The following SLC35F4 variants were observed in gnomAD, a reference collection of about 807,000 sequenced individuals.
SLC35F4 encodes chromosome 14 open reading frame 36.
A neutral mutation model predicts 44.2 loss-of-function variants in SLC35F4; 24 were observed. The observed-to-expected ratio is 0.54, with a 90% confidence interval of 0.39 to 0.76. The LOEUF is 0.76. Among genes scored for constraint, SLC35F4 ranks in the 30% least tolerant of loss-of-function variants. SLC35F4 has a pLI of 0.00. For synonymous variants in SLC35F4, 238 were observed against 223.6 expected, an observed-to-expected ratio of 1.06 and a Z score of -0.57; for missense variants, 562 against 586.1, an observed-to-expected ratio of 0.96 and a Z score of 0.42.
chr14:57,779,723 G>A (rs1416022416), intron 1 of SLC35F4, among the ~76,000 whole-genome samples: 2 of 152,118 alleles, frequency 1.3e-5, no homozygotes, highest in Non-Finnish European at 2.9e-5. Context: ...ACATGAAAAA[G>A]CTAATCCACC....
At chr14:57,793,747 T>C (rs1248874943) in intron 1 of SLC35F4, among the ~76,000 whole-genome samples, 3 of 152,144 alleles carry the variant, frequency 2.0e-5, no homozygotes, top group African/African-American at 7.2e-5. Context: ...TTCCCAGCAG[T>C]GGAATTGCTG....
At chr14:57,751,856 A>G (rs1201427609) in intron 1 of SLC35F4, among the ~76,000 whole-genome samples, 3 of 152,204 alleles carry the variant, frequency 2.0e-5, no homozygotes, top group African/African-American at 2.4e-5. Context: ...TTTAATGTCA[A>G]TATGGAATAC....
chr14:57,771,682 C>A (rs1162396692), intron 1 of SLC35F4, among the ~76,000 whole-genome samples: 3 of 152,178 alleles, frequency 2.0e-5, no homozygotes, highest in Admixed American at 2.0e-4. Flanking sequence ...CAATCTCTGC[C>A]TTCTGGGCTT....
intron 1 of SLC35F4, among the ~76,000 whole-genome samples, chr14:57,736,222 A>T (rs373939690): frequency 6.6e-6 from 1 of 152,316 alleles, no homozygotes; most frequent in East Asian, 1.9e-4. Flanking sequence ...CTAAGAGTCG[A>T]AATCTAAGCC....
chr14:57,833,195 T>C (rs1015062921), intron 1 of SLC35F4, among the ~76,000 whole-genome samples: 2 of 152,188 alleles, frequency 1.3e-5, no homozygotes, highest in Non-Finnish European at 2.9e-5. Context: ...CGCAAGGCAA[T>C]CTCACTAAAG....
intron 1 of SLC35F4, among the ~76,000 whole-genome samples, chr14:57,633,100 G>T (rs978829307): frequency 2.0e-5 from 3 of 152,030 alleles, no homozygotes; most frequent in African/African-American, 4.8e-5. Flanking sequence ...TCCAATGTCC[G>T]CATGTACCAC....
intron 1 of SLC35F4, among the ~76,000 whole-genome samples, chr14:57,827,678 T>C (rs77029924): frequency 0.03 from 4,538 of 151,934 alleles, 208 homozygotes; most frequent in African/African-American, 0.1. Context: ...GAGAGAAAAT[T>C]AAGAGTTATA....
chr14:57,624,312 C>G (rs2072355822), intron 1 of SLC35F4, among the ~76,000 whole-genome samples: 1 of 152,174 alleles, frequency 6.6e-6, no homozygotes, highest in Non-Finnish European at 1.5e-5. Flanking sequence ...TAATTAATAG[C>G]TTACCAACCA....
chr14:57,633,222 GT>G (rs2140135986), intron 1 of SLC35F4, among the ~76,000 whole-genome samples: 1 of 152,246 alleles, frequency 6.6e-6, no homozygotes, highest in East Asian at 1.9e-4. Context: ...GCAGACATAA[GT>G]TTTCAACTCC....
intron 1 of SLC35F4, among the ~76,000 whole-genome samples, chr14:57,670,991 G>A (rs1366220025): frequency 4.3e-5 from 6 of 139,452 alleles, no homozygotes; most frequent in Non-Finnish European, 7.6e-5. Flanking sequence ...TGCAACCTCC[G>A]CCTCCCGGGT....
chr14:57,900,829 G>GA (rs1041530610), intron 1 of SLC35F4, among the ~76,000 whole-genome samples: 15 of 151,372 alleles, frequency 9.9e-5, no homozygotes, highest in African/African-American at 1.5e-4. Context: ...AAATTTACAA[G>GA]AAAAAAAACC....
chr14:57,804,756 AAAAGTTGAC>A (rs1472034200), intron 1 of SLC35F4, among the ~76,000 whole-genome samples: 3 of 152,234 alleles, frequency 2.0e-5, no homozygotes, highest in Non-Finnish European at 4.4e-5. Context: ...CAACAAAAGC[AAAAGTTGAC>A]AAATGGGGTC....
At chr14:57,764,024 T>G (rs2077182276) in intron 1 of SLC35F4, among the ~76,000 whole-genome samples, 1 of 152,176 alleles carries the variant, frequency 6.6e-6, no homozygotes, top group Non-Finnish European at 1.5e-5. Context: ...ATGCTCTTTT[T>G]TAGAATCCAG....
At chr14:57,655,475 T>A in intron 1 of SLC35F4, among the ~76,000 whole-genome samples, 1 of 152,050 alleles carries the variant, frequency 6.6e-6, no homozygotes, top group South Asian at 2.1e-4. Context: ...TGGAGTCTTA[T>A]CCCATCACTC....
intron 1 of SLC35F4, among the ~76,000 whole-genome samples, chr14:57,648,239 A>G (rs555128534): frequency 6.6e-6 from 1 of 152,180 alleles, no homozygotes; most frequent in Non-Finnish European, 1.5e-5. Context: ...AGAGGATGTT[A>G]TAGCATGGAA....
intron 1 of SLC35F4, among the ~76,000 whole-genome samples, chr14:57,898,983 C>G (rs930631408): frequency 1.3e-5 from 2 of 152,126 alleles, no homozygotes; most frequent in African/African-American, 2.4e-5. Flanking sequence ...ATCAAAACAC[C>G]TCTCTACTAC....
chr14:57,811,240 T>A (rs1370045858), intron 1 of SLC35F4, among the ~76,000 whole-genome samples: 2 of 152,118 alleles, frequency 1.3e-5, no homozygotes, highest in Admixed American at 6.6e-5. Flanking sequence ...AAAGGTAGAG[T>A]GGAAAGATGA....
intron 1 of SLC35F4, among the ~76,000 whole-genome samples, chr14:57,813,415 C>G (rs1882197597): frequency 6.6e-6 from 1 of 152,104 alleles, no homozygotes; most frequent in African/African-American, 2.4e-5. Context: ...TATGGTGAAA[C>G]CCCATCTCTA....
chr14:57,623,270 AAT>A (rs1210240283), intron 1 of SLC35F4, among the ~76,000 whole-genome samples: 1 of 152,306 alleles, frequency 6.6e-6, no homozygotes, highest in African/African-American at 2.4e-5. Context: ...AAATATCCTA[AAT>A]ATATATGTGC....
Sources: allele counts gnomAD v4.1 joint callset (sites outside exome capture counted in the v4.1 genomes callset), GRCh38; gene constraint gnomAD v4.1.1; transcripts MANE v1.5; gene names NCBI Gene and HGNC (gene_info 2026-07-23, HGNC 2026-07-21).